The following SMURF2 variants were observed in gnomAD, a reference collection of about 807,000 sequenced individuals.
SMURF2 encodes the protein E3 ubiquitin-protein ligase SMURF2.
In SMURF2, 48 loss-of-function variants were observed where a neutral mutation model predicts 109.6. The ratio of observed to expected loss-of-function variants is 0.44; its 90% CI spans 0.35 to 0.56. The LOEUF (loss-of-function observed/expected upper bound fraction) is 0.56, where lower values mean the gene tolerates loss of function less well. Among genes scored for constraint, SMURF2 ranks in the 20% least tolerant of loss-of-function variants. SMURF2 has a pLI of 0.01. For missense variants in SMURF2, 575 were observed against 909.0 expected (o/e 0.63, Z 4.72); for synonymous variants, 288 against 317.1 (o/e 0.91, Z 0.97).
chr17:64,637,506 G>C (rs1450051654), intron 1 of SMURF2, among the ~76,000 whole-genome samples: 1 of 151,960 alleles, frequency 6.6e-6, no homozygotes, highest in Non-Finnish European at 1.5e-5. Context: ...TATGGCATGA[G>C]GTAGAGGTTC....
At chr17:64,583,354 A>C in intron 7 of SMURF2, 107 bp downstream of exon 7, 1 of 845,340 alleles carries the variant, frequency 1.2e-6, no homozygotes, top group Non-Finnish European at 2.0e-6. Context: ...CTGATCTACG[A>C]CAGCAAAAAC....
At chr17:64,625,557 T>A (rs1970256128) in intron 1 of SMURF2, among the ~76,000 whole-genome samples, 1 of 152,172 alleles carries the variant, frequency 6.6e-6, no homozygotes, top group Non-Finnish European at 1.5e-5. Flanking sequence ...ATAGTGTAGA[T>A]TATGAGCCCA....
Position 64,544,096 on chromosome 17 carries a change from A to C in SMURF2, c.*1752T>G, listed in dbSNP as rs929839014. ...ACTTTTTTAAAGCAGCAAAATCTCC[A>C]CTTTTTTTATCCCATCCATTCCTCC... On this transcript the variant is annotated 3_prime_UTR_variant, in exon 19 of 19. Coordinates refer to ENST00000262435, the MANE Select transcript of SMURF2 (RefSeq NM_022739.4). 2 of 152,152 alleles carry C rather than the reference A, an allele frequency of 1.3e-5. No individual in the cohort carries two copies. Among genetic ancestry groups the C allele is most frequent in the Admixed American group, 6.5e-5 (1 of 15,274 alleles). 9.4% of individuals were successfully genotyped at this position (152,152 alleles called of 1,614,324 possible).
intron 2 of SMURF2, among the ~76,000 whole-genome samples, chr17:64,601,843 T>A (rs1338736897): frequency 6.6e-6 from 1 of 150,668 alleles, no homozygotes; most frequent in Non-Finnish European, 1.5e-5. Context: ...GTGGTGTGTG[T>A]GTGTGTGTAT....
chr17:64,590,858 A>G (rs1415052807), intron 5 of SMURF2, among the ~76,000 whole-genome samples: 5 of 151,584 alleles, frequency 3.3e-5, no homozygotes, highest in Non-Finnish European at 5.9e-5. Context: ...AAAGAATTAT[A>G]TCCTGAAGGA....
At chr17:64,646,190 C>T (rs899136395) in intron 1 of SMURF2, among the ~76,000 whole-genome samples, 2 of 151,324 alleles carry the variant, frequency 1.3e-5, no homozygotes, top group East Asian at 1.9e-4. Flanking sequence ...CTCAGCCTCC[C>T]GAGTAGCTGG....
chr17:64,613,538 T>C (rs965435965), intron 1 of SMURF2, among the ~76,000 whole-genome samples: 3 of 142,288 alleles, frequency 2.1e-5, no homozygotes, highest in African/African-American at 7.4e-5. Context: ...AGTAAGGGAG[T>C]AACAGGAGAG....
At chr17:64,566,653 C>G (rs1181966958) in intron 10 of SMURF2, among the ~76,000 whole-genome samples, 9 of 138,338 alleles carry the variant, frequency 6.5e-5, no homozygotes, top group African/African-American at 2.4e-4. Context: ...CTCACTGCAA[C>G]CTCCGCCTCC....
chr17:64,648,395 T>C (rs1324488006), intron 1 of SMURF2, among the ~76,000 whole-genome samples: 1 of 152,216 alleles, frequency 6.6e-6, no homozygotes, highest in Non-Finnish European at 1.5e-5. Context: ...GTATAAATGT[T>C]AGTTAATTCA....
intron 1 of SMURF2, among the ~76,000 whole-genome samples, chr17:64,655,449 GGTTTCA>G (rs1386362327): frequency 3.3e-5 from 5 of 150,842 alleles, no homozygotes; most frequent in Admixed American, 1.3e-4. Flanking sequence ...GTAGAGACAG[GGTTTCA>G]CCATGTTGGC....
intron 11 of SMURF2, 22 bp from the exon 12 acceptor site, chr17:64,561,625 A>G (rs1598271955): frequency 6.5e-7 from 1 of 1,537,948 alleles, no homozygotes; most frequent in Admixed American, 1.7e-5. Flanking sequence ...AATTTTTAAT[A>G]CCCTATTACT....
Position 64,545,790 on chromosome 17 carries a change from A to T in SMURF2, c.*58T>A. On this transcript the variant is annotated 3_prime_UTR_variant, in exon 19 of 19. Coordinates refer to ENST00000262435, the MANE Select transcript of SMURF2 (RefSeq NM_022739.4). ...AGCATATTCTTTGAAACTCTGCTGA[A>T]AGGAGGCTGTCAGTCAGGGTTGTAT... 1 of 898,458 alleles carries T rather than the reference A, an allele frequency of 1.1e-6. No homozygotes were observed. Among genetic ancestry groups the T allele is most frequent in the South Asian group, 1.5e-5 (1 of 68,140 alleles). The allele number at this position is 898,458 out of a possible 1,614,324, so 55.7% of individuals were successfully genotyped here. A position where few individuals can be genotyped will look rare whatever the true frequency, so the allele number is the denominator to read the frequency against.
At chr17:64,557,756 G>A (rs781821757) in intron 12 of SMURF2, 34 bp from the exon 13 acceptor site, 2 of 1,213,252 alleles carry the variant, frequency 1.6e-6, no homozygotes, top group South Asian at 2.6e-5. Context: ...GAATTTTTTT[G>A]TTAATGTATA....
Position 64,573,860 on chromosome 17 carries a change from A to G in SMURF2, c.858-1904T>C, listed in dbSNP as rs1446715433. ...ACAGGAGCTGGAGGACATTATCCTT[A>G]GCAAACTAAAGCAGGAACAGAAAAC... On this transcript the variant is annotated intron_variant, in intron 9 of 18. Coordinates refer to ENST00000262435, the MANE Select transcript of SMURF2 (RefSeq NM_022739.4). 2.0e-5 allele frequency among the ~76,000 whole-genome samples: 3 copies of G among 152,260 alleles called. 1 individual carries two copies. Among genetic ancestry groups the G allele is most frequent in the Non-Finnish European group, 4.4e-5 (3 of 68,046 alleles).
At chr17:64,652,027 T>C (rs1555693558) in intron 1 of SMURF2, among the ~76,000 whole-genome samples, 2 of 152,240 alleles carry the variant, frequency 1.3e-5, no homozygotes, top group Admixed American at 6.5e-5. Context: ...TTATTCTTTA[T>C]ATCCCACCTT....
chr17:64,602,140 G>T (rs1969907086), intron 2 of SMURF2, among the ~76,000 whole-genome samples: 1 of 151,838 alleles, frequency 6.6e-6, no homozygotes, highest in South Asian at 2.1e-4. Context: ...GGATGCAAAG[G>T]CGTAAGAATG....
chr17:64,619,726 T>A (rs1472101138), intron 1 of SMURF2, among the ~76,000 whole-genome samples: 2 of 151,970 alleles, frequency 1.3e-5, no homozygotes, highest in African/African-American at 4.8e-5. Flanking sequence ...CTCTCCCATG[T>A]CTCCTGTTAT....
At chr17:64,657,441 C>T (rs1970719724) in intron 1 of SMURF2, among the ~76,000 whole-genome samples, 2 of 151,830 alleles carry the variant, frequency 1.3e-5, no homozygotes, top group South Asian at 4.2e-4. Flanking sequence ...CCTGTAATCC[C>T]AGCACTTTGG....
chr17:64,551,569 T>A lies in SMURF2; in HGVS notation c.1869+15A>T. The A allele has an allele frequency of 6.2e-7, 1 of 1,612,902 alleles. No individual in the cohort carries two copies. Among genetic ancestry groups the A allele is most frequent in the Non-Finnish European group, 8.5e-7 (1 of 1,179,216 alleles). ...CCTTGTTACACTAGTGATGTTATAA[T>A]ACTAATGCACTAACCTCTAACTCCT... On this transcript the variant is annotated intron_variant, in intron 16 of 18. Transcript: ENST00000262435.
Sources: allele counts gnomAD v4.1 joint callset (sites outside exome capture counted in the v4.1 genomes callset), GRCh38; gene constraint gnomAD v4.1.1; transcripts MANE v1.5; gene names NCBI Gene and HGNC (gene_info 2026-07-23, HGNC 2026-07-21).